The following FAM131A variants were observed in gnomAD, a reference collection of about 807,000 sequenced individuals.
FAM131A encodes the protein family with sequence similarity 131 member A.
A neutral mutation model predicts 39.2 loss-of-function variants in FAM131A; 24 were observed. The observed-to-expected ratio is 0.61, with a 90% CI of 0.44 to 0.86. FAM131A has a LOEUF of 0.86. Ranked by LOEUF, FAM131A falls within the 40% of genes least tolerant of loss-of-function variation. The pLI is 0.00. For synonymous variants in FAM131A, 202 were observed against 206.8 expected (o/e 0.98, Z 0.20); for missense variants, 373 against 481.2 (o/e 0.78, Z 2.10).
rs1271170633 is a variant in FAM131A at position 184,344,864 on chromosome 3, G to A, written c.995G>A (p.Cys332Tyr). The A allele has an allele frequency of 1.2e-6, 2 of 1,611,052 alleles. No individual in the cohort carries two copies. Among genetic ancestry groups the A allele is most frequent in the Non-Finnish European group, 1.7e-6 (2 of 1,179,854 alleles). ...CCCTGCAAGGACTGCCAGCCACTCT[G>A]CCCACCACTAACGGGCAGCTGGGAA... ...PAPCKDCQPL[C>Y]PPLTGSWERQ... Residue 332 changes from cysteine to tyrosine, a missense_variant, in exon 6 of 6, where the codon TGC becomes TAC. Transcript: ENST00000383847.
chr3:184,342,385 G>A lies in FAM131A; in HGVS notation c.508+137G>A, dbSNP rs1727425460. ...TGCAGTGATGCAATCTCAGCTCACT[G>A]CAACCTCTGCCACCCCAGTTCAAGC... On this transcript the variant is annotated intron_variant, in intron 4 of 5. Coordinates refer to ENST00000383847, the MANE Select transcript of FAM131A (RefSeq NM_144635.5). The surrounding 1 kb of genome is among the most constrained non-coding windows in gnomAD (Gnocchi z 4.6). 14 of 1,058,902 alleles carry A rather than the reference G, an allele frequency of 1.3e-5. No homozygotes were observed. The South Asian group carries it at 2.3e-4, about 18-fold the overall frequency. 65.6% of individuals were successfully genotyped at this position (1,058,902 alleles called of 1,614,324 possible).
chr3:184,342,193 C>G lies in FAM131A; in HGVS notation c.453C>G (p.Ala151=). ...ACTCACCTGCTGCCCTGGAATCAGC[C>G]TTTTCCTCCTATTCAGACCTCAGCG... ...PSDSPAALES[A]FSSYSDLSEG... Residue 151 remains alanine, a synonymous_variant, in exon 4 of 6, where the codon GCC becomes GCG. Coordinates refer to ENST00000383847, the MANE Select transcript of FAM131A (RefSeq NM_144635.5). This position sits in a 1 kb window ranked among gnomAD's most constrained non-coding sequence, Gnocchi z 4.6. 1 of 1,614,224 alleles carries G rather than the reference C, an allele frequency of 6.2e-7. No homozygotes were observed. Among genetic ancestry groups the G allele is most frequent in the Non-Finnish European group, 8.5e-7 (1 of 1,180,022 alleles).
chr3:184,337,472 T>G, upstream of FAM131A: 1 of 671,846 alleles, frequency 1.5e-6, no homozygotes, highest in Admixed American at 2.5e-5. Flanking sequence ...TCCCACCTCC[T>G]CAGAGCCATG....
rs545499198 is a variant in FAM131A, at chr3:184,341,433, G to A, written c.232-291G>A. On this transcript the variant is annotated intron_variant, in intron 2 of 5. Transcript: ENST00000383847. ...TTCCCTCTCCTCAGAGGTCTCACTC[G>A]TGGTTCTTCATTTCCTGCCCTGCCT... The A allele has an allele frequency of 2.3e-4, 115 of 492,200 alleles. 2 individuals carry two copies. The highest frequency in any genetic ancestry group is 2.0e-3 in the South Asian group (89 of 44,604). The allele number at this position is 492,200 out of a possible 1,614,324, so 30.5% of individuals were successfully genotyped here.
At chr3:184,337,591 C>T (rs757428154), upstream of FAM131A, 20 of 1,523,234 alleles carry the variant, frequency 1.3e-5, no homozygotes, top group South Asian at 3.6e-5. Context: ...GAGCCTGGAG[C>T]GGTTCTGGGC....
rs1263421957 is a variant in FAM131A, at chr3:184,345,360, T to C, written c.*390T>C. 2 of 598,724 alleles carry C rather than the reference T, an allele frequency of 3.3e-6. No homozygotes were observed. Among genetic ancestry groups the C allele is most frequent in the African/African-American group, 1.9e-5 (1 of 53,506 alleles). 37.1% of individuals were successfully genotyped at this position (598,724 alleles called of 1,614,324 possible). ...GAGGGGGCCCAGCAACCCCCCACCCTCCCCATGCCTCTCTCTTCTCTGCTT... is the reference window on the plus strand; with the variant it reads ...GAGGGGGCCCAGCAACCCCCCACCCCCCCCATGCCTCTCTCTTCTCTGCTT... On this transcript the variant is annotated 3_prime_UTR_variant, in exon 6 of 6. Transcript: ENST00000383847.
rs1703804132 is a variant in FAM131A, at chr3:184,346,135, T to TGTAGGCTGCCTGTAGAATTAA, written c.*1166_*1167insTAGGCTGCCTGTAGAATTAAG. 1 of 192,182 alleles carries TGTAGGCTGCCTGTAGAATTAA rather than the reference T, an allele frequency of 5.2e-6. No individual in the cohort carries two copies. The highest frequency in any genetic ancestry group is 1.1e-5 in the Non-Finnish European group (1 of 91,630). The allele number at this position is 192,182 out of a possible 1,614,324, so 11.9% of individuals were successfully genotyped here. ...TTAGAATTAAGGGCCTTGTAGGCTTTGGCAGGTAAGAGGGCCCAAGGTAAG... is the reference window on the plus strand; with the variant it reads ...TTAGAATTAAGGGCCTTGTAGGCTTTGTAGGCTGCCTGTAGAATTAAGGCAGGTAAGAGGGCCCAAGGTAAG... On this transcript the variant is annotated 3_prime_UTR_variant, in exon 6 of 6. Transcript: ENST00000383847. The surrounding 1 kb of genome is among the most constrained non-coding windows in gnomAD (Gnocchi z 6.0).
In FAM131A at chr3:184,344,615, CCCCAGA is replaced by C; in HGVS notation, c.748_753del (p.Pro250_Asp251del). ...GAGAGCGACTGCTCACAGACCGTGT[CCCCAGA>C]CACCCTGTGCTCTAGTCTGTGCAGC... On this transcript the variant is annotated inframe_deletion, in exon 6 of 6. Transcript: ENST00000383847. 6.2e-7 allele frequency: 1 copy of C among 1,612,824 alleles called. No homozygotes were observed. Among genetic ancestry groups the C allele is most frequent in the Non-Finnish European group, 8.5e-7 (1 of 1,179,814 alleles).
chr3:184,338,678 G>A, intron 2 of FAM131A, 149 bp downstream of exon 2: 2 of 1,014,732 alleles, frequency 2.0e-6, no homozygotes, highest in Admixed American at 2.7e-5. Context: ...GGCCGCCCCC[G>A]TGCCGGTCTG....
Position 184,341,546 on chromosome 3 carries a change from G to T in FAM131A, c.232-178G>T. On this transcript the variant is annotated intron_variant, in intron 2 of 5. Coordinates refer to ENST00000383847, the MANE Select transcript of FAM131A (RefSeq NM_144635.5). ...CTGAATCTCCATTGCTTTCTGGGAG[G>T]ACATAATTCACCTGTCCTAGCTTCT... The T allele has an allele frequency of 8.2e-6, 5 of 609,402 alleles. No individual in the cohort carries two copies. In the South Asian group the frequency reaches 9.8e-5, roughly 12 times the overall value. 37.7% of individuals were successfully genotyped at this position (609,402 alleles called of 1,614,324 possible).
At position 184,342,330 on chromosome 3, in the gene FAM131A, C is replaced by T. The variant is rs545391860; in HGVS notation, c.508+82C>T. 4.4e-5 allele frequency: 64 copies of T among 1,449,428 alleles called. No homozygotes were observed. The highest frequency in any genetic ancestry group is 3.3e-4 in the South Asian group (23 of 69,044). The allele number at this position is 1,449,428 out of a possible 1,614,324, so 89.8% of individuals were successfully genotyped here. On this transcript the variant is annotated intron_variant, in intron 4 of 5. Coordinates refer to ENST00000383847, the MANE Select transcript of FAM131A (RefSeq NM_144635.5). The surrounding 1 kb of genome is among the most constrained non-coding windows in gnomAD (Gnocchi z 4.6). ...TATTTTATTTAATTTTTTTTTGAGACGGAGTCTCACTCTGTCGCCCAGGCT... is the reference window on the plus strand; with the variant it reads ...TATTTTATTTAATTTTTTTTTGAGATGGAGTCTCACTCTGTCGCCCAGGCT...
chr3:184,345,189 C>T lies in FAM131A; in HGVS notation c.*219C>T, dbSNP rs771364273. 7.1e-5 allele frequency: 42 copies of T among 588,668 alleles called. No individual in the cohort carries two copies. Among genetic ancestry groups the T allele is most frequent in the Non-Finnish European group, 1.2e-4 (39 of 338,800 alleles). The allele number at this position is 588,668 out of a possible 1,614,324, so 36.5% of individuals were successfully genotyped here. A position where few individuals can be genotyped will look rare whatever the true frequency, so the allele number is the denominator to read the frequency against. ...TCCTGCCCCCACTCCCGGGGCTTGC[C>T]GGGGGTTGCCCGGGGCCTCTGGGGC... On this transcript the variant is annotated 3_prime_UTR_variant, in exon 6 of 6. Coordinates refer to ENST00000383847, the MANE Select transcript of FAM131A (RefSeq NM_144635.5).
chr3:184,343,954 G>A (rs550316399), intron 5 of FAM131A, among the ~76,000 whole-genome samples: 2 of 152,048 alleles, frequency 1.3e-5, no homozygotes, highest in East Asian at 1.9e-4. Flanking sequence ...GGCCATAGGC[G>A]GTGACCCTGC....
intron 5 of FAM131A, among the ~76,000 whole-genome samples, chr3:184,344,134 T>C (rs1006903491): frequency 1.3e-5 from 2 of 152,180 alleles, no homozygotes; most frequent in Non-Finnish European, 2.9e-5. Context: ...TATAGGGATG[T>C]GCCACCACGC....
At chr3:184,337,803 T>G (rs1218072042) in intron 1 of FAM131A, 85 bp downstream of exon 1, 1 of 1,326,206 alleles carries the variant, frequency 7.5e-7, no homozygotes, top group Non-Finnish European at 1.0e-6. Context: ...AAAATTACTC[T>G]GGCTTAGATA....
chr3:184,341,988 G>A, intron 3 of FAM131A, 78 bp from the exon 4 acceptor site: 2 of 1,575,292 alleles, frequency 1.3e-6, no homozygotes, highest in South Asian at 1.1e-5. Flanking sequence ...CCTAACTACT[G>A]CCACCCTTCC....
chr3:184,345,112 T>A lies in FAM131A; in HGVS notation c.*142T>A, dbSNP rs1727580583. On this transcript the variant is annotated 3_prime_UTR_variant, in exon 6 of 6. Transcript: ENST00000383847. ...GGAGCGCTCGCTTCTCCGTTGTGTG[T>A]TTTGCATGAAAGTGTTTGGAGAGGA... 1.2e-6 allele frequency: 1 copy of A among 822,114 alleles called. No individual in the cohort carries two copies. Among genetic ancestry groups the A allele is most frequent in the South Asian group, 1.9e-5 (1 of 52,954 alleles). The allele number at this position is 822,114 out of a possible 1,614,324, so 50.9% of individuals were successfully genotyped here. A position where few individuals can be genotyped will look rare whatever the true frequency, so the allele number is the denominator to read the frequency against.
At chr3:184,341,673 G>C (rs1466898349) in intron 2 of FAM131A, 51 bp from the exon 3 acceptor site, 16 of 1,513,046 alleles carry the variant, frequency 1.1e-5, no homozygotes, top group Non-Finnish European at 1.4e-5. Flanking sequence ...ATGTTAGGGG[G>C]AAGGTCATTG....
In FAM131A at chr3:184,344,975, C is replaced by A. The variant is rs1465595085; in HGVS notation, c.*5C>A. On this transcript the variant is annotated 3_prime_UTR_variant, in exon 6 of 6. Coordinates refer to ENST00000383847, the MANE Select transcript of FAM131A (RefSeq NM_144635.5). Reference sequence around the variant, plus strand: ...GCAGAGCCAGAGGAACAGTGACCCACATCATGCCTGGCAGTGGCATGCATC... The same window carrying A: ...GCAGAGCCAGAGGAACAGTGACCCAAATCATGCCTGGCAGTGGCATGCATC... The A allele has an allele frequency of 6.5e-7, 1 of 1,533,090 alleles. No homozygotes were observed. The highest frequency in any genetic ancestry group is 8.8e-7 in the Non-Finnish European group (1 of 1,142,152). 95.0% of individuals were successfully genotyped at this position (1,533,090 alleles called of 1,614,324 possible).
Sources: allele counts gnomAD v4.1 joint callset (sites outside exome capture counted in the v4.1 genomes callset), GRCh38; gene constraint gnomAD v4.1.1; non-coding constraint Gnocchi (gnomAD v3.1); transcripts MANE v1.5; gene names NCBI Gene and HGNC (gene_info 2026-07-23, HGNC 2026-07-21).